The following CDH4 variants were observed in gnomAD, a reference collection of about 807,000 sequenced individuals.
The protein encoded by CDH4 is cadherin 4.
CDH4 carries 33 observed loss-of-function variants against 86.0 expected under a neutral mutation model. The observed-to-expected ratio is 0.38, with a 90% CI of 0.29 to 0.51. The LOEUF is 0.51. CDH4 is among the 20% of genes least tolerant of loss of function. CDH4 has a pLI of 0.86. For missense variants in CDH4, 1,114 were observed against 1,307.4 expected, an observed-to-expected ratio of 0.85 and a Z score of 2.28; for synonymous variants, 555 against 549.4, an observed-to-expected ratio of 1.01 and a Z score of -0.14.
intron 6 of CDH4, among the ~76,000 whole-genome samples, chr20:61,860,441 C>T (rs533552132): frequency 6.6e-6 from 1 of 152,212 alleles, no homozygotes; most frequent in South Asian, 2.1e-4. Context: ...AGTTTTCTGG[C>T]CTGGGATGGG....
chr20:61,368,062 G>A (rs1026487375), intron 2 of CDH4, among the ~76,000 whole-genome samples: 22 of 151,860 alleles, frequency 1.4e-4, no homozygotes, highest in African/African-American at 5.1e-4. Context: ...GTAGAGATGG[G>A]GTTTCACCAT....
rs1204756599 is a variant in CDH4 at position 61,269,958 on chromosome 20, G to A, written c.169+15021G>A. Among the ~76,000 whole-genome samples the A allele has an allele frequency of 6.6e-6, 1 of 152,242 alleles. No homozygotes were observed. The highest frequency in any genetic ancestry group is 1.5e-5 in the Non-Finnish European group (1 of 68,048). ...GAATCTGGCCCCCAGATGTGGAGAGGGCCGGCCGACCTTTGCGGCAGTCAT... is the reference window on the plus strand; with the variant it reads ...GAATCTGGCCCCCAGATGTGGAGAGAGCCGGCCGACCTTTGCGGCAGTCAT... On this transcript the variant is annotated intron_variant, in intron 2 of 15. Transcript: ENST00000614565. The surrounding 1 kb of genome is among the most constrained non-coding windows in gnomAD (Gnocchi z 5.3).
chr20:61,894,361 G>A (rs1027075305), intron 7 of CDH4, among the ~76,000 whole-genome samples: 1 of 152,216 alleles, frequency 6.6e-6, no homozygotes, highest in South Asian at 2.1e-4. Context: ...ACGGTAAACT[G>A]TCAGGACTGC....
At position 61,937,208 on chromosome 20, in the gene CDH4, G is replaced by T; in HGVS notation, c.*265G>T. On this transcript the variant is annotated 3_prime_UTR_variant, in exon 16 of 16. Coordinates refer to ENST00000614565, the MANE Select transcript of CDH4 (RefSeq NM_001794.5). ...TTCACTTGAATTTCCTAGAACAGAA[G>T]CACTGTTTTTAAAAAAAAAAAAAAA... 1 of 109,392 alleles carries T rather than the reference G, an allele frequency of 9.1e-6. No individual in the cohort carries two copies. Among genetic ancestry groups the T allele is most frequent in the Non-Finnish European group, 1.6e-5 (1 of 60,614 alleles). 6.8% of individuals were successfully genotyped at this position (109,392 alleles called of 1,614,324 possible). A position where few individuals can be genotyped will look rare whatever the true frequency, so the allele number is the denominator to read the frequency against.
At chr20:61,416,765 G>A (rs1033264667) in intron 2 of CDH4, among the ~76,000 whole-genome samples, 5 of 152,200 alleles carry the variant, frequency 3.3e-5, no homozygotes, top group Non-Finnish European at 5.9e-5. Flanking sequence ...CATGGCGCTG[G>A]GCGAGTCTCC....
intron 2 of CDH4, among the ~76,000 whole-genome samples, chr20:61,665,684 G>T (rs2087315342): frequency 1.3e-5 from 2 of 152,190 alleles, no homozygotes; most frequent in African/African-American, 4.8e-5. Context: ...ATTCATTTTT[G>T]ATGAGGTGTG....
At chr20:61,881,125 G>A (rs1984254231) in intron 7 of CDH4, among the ~76,000 whole-genome samples, 1 of 152,236 alleles carries the variant, frequency 6.6e-6, no homozygotes. Context: ...GGGCATGAGT[G>A]TCAGCCATGC....
Position 61,516,756 on chromosome 20 carries a change from G to C in CDH4, c.170-226807G>C, listed in dbSNP as rs1030995580. 6.6e-6 allele frequency among the ~76,000 whole-genome samples: 1 copy of C among 152,142 alleles called. No homozygotes were observed. The highest frequency in any genetic ancestry group is 6.5e-5 in the Admixed American group (1 of 15,278). ...GAGAGCAGGCACTAAAAATAACCAG[G>C]CTCCGTTCCCAGGTCAGTGAGTGTC... is the stretch of plus-strand genomic sequence containing the variant. On this transcript the variant is annotated intron_variant, in intron 2 of 15. Transcript: ENST00000614565. This position sits in a 1 kb window ranked among gnomAD's most constrained non-coding sequence, Gnocchi z 4.0.
chr20:61,751,617 C>G (rs1394094243), intron 3 of CDH4, among the ~76,000 whole-genome samples: 1 of 152,120 alleles, frequency 6.6e-6, no homozygotes, highest in Non-Finnish European at 1.5e-5. Flanking sequence ...ATGCTGTAGC[C>G]CACAGGCCTT....
chr20:61,553,862 C>G (rs1043971516), intron 2 of CDH4, among the ~76,000 whole-genome samples: 1 of 152,228 alleles, frequency 6.6e-6, no homozygotes, highest in Non-Finnish European at 1.5e-5. Context: ...AGCCGGGAGG[C>G]AAGTTCCCTC....
At position 61,348,239 on chromosome 20, in the gene CDH4, G is replaced by A. The variant is rs146704948; in HGVS notation, c.169+93302G>A. Among the ~76,000 whole-genome samples the A allele has an allele frequency of 2.4e-3, 357 of 146,618 alleles. 2 individuals are homozygous for A. The highest frequency in any genetic ancestry group is 8.5e-3 in the African/African-American group (342 of 40,328). On this transcript the variant is annotated intron_variant, in intron 2 of 15. Coordinates refer to ENST00000614565, the MANE Select transcript of CDH4 (RefSeq NM_001794.5). ...GGTGGAAGGCAAAGGAGGAGCTAAG[G>A]CACATCTTACATGGTGGCAGGCAAA... is the stretch of plus-strand genomic sequence containing the variant.
chr20:61,722,787 A>C (rs931152633), intron 2 of CDH4, among the ~76,000 whole-genome samples: 1 of 152,174 alleles, frequency 6.6e-6, no homozygotes, highest in African/African-American at 2.4e-5. Flanking sequence ...CTTTCATCCA[A>C]GGAAAGCAGA....
In CDH4 at chr20:61,544,478, G is replaced by A. The variant is rs901562956; in HGVS notation, c.170-199085G>A. Among the ~76,000 whole-genome samples, 18 of 151,990 alleles carry A rather than the reference G, an allele frequency of 1.2e-4. No homozygotes were observed. Among genetic ancestry groups the A allele is most frequent in the African/African-American group, 3.9e-4 (16 of 41,470 alleles). ...GCAGTGGGAGCCGCAGGGCATCGGGGTCTTCGAAGGAAAGCCCGTGGATTA... is the reference window on the plus strand; with the variant it reads ...GCAGTGGGAGCCGCAGGGCATCGGGATCTTCGAAGGAAAGCCCGTGGATTA... On this transcript the variant is annotated intron_variant, in intron 2 of 15. Transcript: ENST00000614565. This position sits in a 1 kb window ranked among gnomAD's most constrained non-coding sequence, Gnocchi z 6.5.
chr20:61,858,112 T>G (rs1983122148), intron 6 of CDH4, among the ~76,000 whole-genome samples: 1 of 151,564 alleles, frequency 6.6e-6, no homozygotes, highest in Admixed American at 6.6e-5. Flanking sequence ...TCTGTTTCTG[T>G]GTGTCTGTGT....
At chr20:61,697,899 A>G (rs980538065) in intron 2 of CDH4, among the ~76,000 whole-genome samples, 12 of 152,100 alleles carry the variant, frequency 7.9e-5, no homozygotes, top group African/African-American at 2.7e-4. Flanking sequence ...CAACCCTCCC[A>G]TCTGTTTCTT....
At chr20:61,723,877 A>ACAG (rs2088074298) in intron 2 of CDH4, among the ~76,000 whole-genome samples, 1 of 152,128 alleles carries the variant, frequency 6.6e-6, no homozygotes, top group Non-Finnish European at 1.5e-5. Context: ...TCCATGCGGC[A>ACAG]GGTGGGGTGG....
chr20:61,933,121 C>A lies in CDH4; in HGVS notation c.2376C>A (p.Asp792Glu). The A allele has an allele frequency of 6.2e-7, 1 of 1,612,230 alleles. No homozygotes were observed. Among genetic ancestry groups the A allele is most frequent in the Non-Finnish European group, 8.5e-7 (1 of 1,179,402 alleles). Residue 792 changes from aspartate to glutamate, a missense_variant, in exon 14 of 16, where the codon GAC becomes GAA. Transcript: ENST00000614565. ...KYDEEGGGEE[D>E]QDYDLSQLQQ... is the part of the protein sequence containing the mutation. The stretch of plus-strand genomic sequence containing the variant: ...ACGAGGAAGGCGGTGGCGAGGAGGA[C>A]CAGGTGAGACTGCGGCCCGCCCCCG...
At chr20:61,641,026 G>C (rs557434651) in intron 2 of CDH4, among the ~76,000 whole-genome samples, 1 of 152,206 alleles carries the variant, frequency 6.6e-6, no homozygotes, top group East Asian at 1.9e-4. Flanking sequence ...TGGGCAGGTG[G>C]GTGCCAGAGG....
chr20:61,922,754 C>G (rs1363201564), intron 9 of CDH4, among the ~76,000 whole-genome samples: 1 of 152,216 alleles, frequency 6.6e-6, no homozygotes, highest in Admixed American at 6.5e-5. Context: ...ATCCCTCTCC[C>G]TTTCTCTCTG....
Sources: allele counts gnomAD v4.1 joint callset (sites outside exome capture counted in the v4.1 genomes callset), GRCh38; gene constraint gnomAD v4.1.1; non-coding constraint Gnocchi (gnomAD v3.1); transcripts MANE v1.5; gene names NCBI Gene and HGNC (gene_info 2026-07-23, HGNC 2026-07-21).